The following GNB1 variants were observed in gnomAD, a reference collection of about 807,000 sequenced individuals.
GNB1 encodes the protein guanine nucleotide-binding protein G(I)/G(S)/G(T) subunit beta-1.
A neutral mutation model predicts 42.9 loss-of-function variants in GNB1; 2 were observed. That is an observed-to-expected ratio of 0.05 (90% CI 0.02 to 0.15). GNB1 has a LOEUF of 0.15. Ranked by LOEUF, GNB1 falls within the 10% of genes least tolerant of loss-of-function variation. GNB1 has a pLI of 1.00. For synonymous variants in GNB1, 183 were observed against 174.7 expected, an observed-to-expected ratio of 1.05 and a Z score of -0.38; for missense variants, 193 against 462.2, an observed-to-expected ratio of 0.42 and a Z score of 5.34.
intron 2 of GNB1, among the ~76,000 whole-genome samples, chr1:1,835,756 T>C (rs1259114487): frequency 6.6e-6 from 1 of 152,010 alleles, no homozygotes; most frequent in Non-Finnish European, 1.5e-5. Flanking sequence ...TGGATCATAC[T>C]ACAGGTGTGT....
chr1:1,886,976 G>C (rs752247440), intron 1 of GNB1, among the ~76,000 whole-genome samples: 2 of 152,154 alleles, frequency 1.3e-5, no homozygotes, highest in Non-Finnish European at 2.9e-5. Flanking sequence ...GCCTCCCAAA[G>C]TGCTGGGATT....
At chr1:1,886,431 G>A (rs1570766295) in intron 1 of GNB1, among the ~76,000 whole-genome samples, 2 of 152,178 alleles carry the variant, frequency 1.3e-5, no homozygotes, top group African/African-American at 2.4e-5. Context: ...TGAAATAGGT[G>A]GTGCTCTGTC....
At chr1:1,827,802 G>C (rs1341036864) in intron 2 of GNB1, among the ~76,000 whole-genome samples, 1 of 152,182 alleles carries the variant, frequency 6.6e-6, no homozygotes, top group Non-Finnish European at 1.5e-5. Context: ...ACGCATAATA[G>C]AGAATTGTTC....
At chr1:1,866,317 C>A (rs1391045316) in intron 1 of GNB1, among the ~76,000 whole-genome samples, 1 of 152,220 alleles carries the variant, frequency 6.6e-6, no homozygotes, top group Non-Finnish European at 1.5e-5. Flanking sequence ...GGGATGTCTT[C>A]CAGACTTTGA....
intron 4 of GNB1, among the ~76,000 whole-genome samples, chr1:1,816,644 CTTTT>C (rs59065707): frequency 1.1e-4 from 12 of 108,634 alleles, no homozygotes; most frequent in Non-Finnish European, 1.9e-4. Context: ...TTTTTATTAT[CTTTT>C]TTTTTTTTTT....
chr1:1,815,486 G>C (rs1233659573), intron 5 of GNB1, among the ~76,000 whole-genome samples: 1 of 152,214 alleles, frequency 6.6e-6, no homozygotes. Flanking sequence ...AACTGAAAGA[G>C]ACAGGAGAAG....
chr1:1,839,515 T>C (rs532897283), intron 1 of GNB1: 21 of 152,224 alleles, frequency 1.4e-4, no homozygotes, highest in African/African-American at 4.6e-4. Flanking sequence ...GCACAGAGGT[T>C]AGAATCCTAT....
chr1:1,827,285 C>T (rs1570677603), intron 2 of GNB1, among the ~76,000 whole-genome samples: 2 of 152,196 alleles, frequency 1.3e-5, no homozygotes, highest in Admixed American at 6.5e-5. Context: ...AGGCATGCCC[C>T]GTAACACGAG....
intron 7 of GNB1, among the ~76,000 whole-genome samples, chr1:1,797,839 C>A (rs911794392): frequency 6.6e-6 from 1 of 152,218 alleles, no homozygotes; most frequent in African/African-American, 2.4e-5. Context: ...GGAGACCCCA[C>A]CCAAGGGAGG....
At position 1,890,859 on chromosome 1, in the gene GNB1, G is replaced by A. The variant is rs1055214478; in HGVS notation, c.-135C>T. 8 of 147,328 alleles carry A rather than the reference G, an allele frequency of 5.4e-5. No individual in the cohort carries two copies. The highest frequency in any genetic ancestry group is 9.1e-5 in the Non-Finnish European group (6 of 66,164). 9.1% of individuals were successfully genotyped at this position (147,328 alleles called of 1,614,324 possible). ...CGCGGCCTGACGCGCCCACACCGCC[G>A]CCTCGGCCGCCGCTCGGCAGGTCGT... On this transcript the variant is annotated 5_prime_UTR_variant, in exon 1 of 12. Coordinates refer to ENST00000378609, the MANE Select transcript of GNB1 (RefSeq NM_002074.5).
intron 1 of GNB1, among the ~76,000 whole-genome samples, chr1:1,876,378 T>C (rs1472361717): frequency 6.6e-6 from 1 of 152,008 alleles, no homozygotes. Context: ...CTCGAACTCC[T>C]GGGTTCAAGC....
At chr1:1,850,269 T>C (rs1027975379) in intron 1 of GNB1, among the ~76,000 whole-genome samples, 2 of 152,104 alleles carry the variant, frequency 1.3e-5, no homozygotes, top group Non-Finnish European at 2.9e-5. Flanking sequence ...TAGCTGGGAT[T>C]CCAGGCATGT....
chr1:1,882,778 G>A (rs1649925385), intron 1 of GNB1, among the ~76,000 whole-genome samples: 1 of 151,910 alleles, frequency 6.6e-6, no homozygotes, highest in South Asian at 2.1e-4. Flanking sequence ...AAAATCAGCT[G>A]GGCATGGTGG....
chr1:1,865,029 G>A (rs1375990148), intron 1 of GNB1, among the ~76,000 whole-genome samples: 11 of 152,244 alleles, frequency 7.2e-5, no homozygotes, highest in Admixed American at 6.5e-4. Flanking sequence ...TTGGGAGGCT[G>A]AGGCGGGCAG....
At chr1:1,857,179 A>G (rs1648351598) in intron 1 of GNB1, among the ~76,000 whole-genome samples, 1 of 152,160 alleles carries the variant, frequency 6.6e-6, no homozygotes, top group African/African-American at 2.4e-5. Flanking sequence ...TCAAAAGTCT[A>G]CCCAGTCTAG....
chr1:1,881,833 G>A (rs916585189), intron 1 of GNB1, among the ~76,000 whole-genome samples: 2 of 152,132 alleles, frequency 1.3e-5, no homozygotes, highest in African/African-American at 4.8e-5. Flanking sequence ...CTGAGCACCT[G>A]GCACACAGTA....
intron 3 of GNB1, among the ~76,000 whole-genome samples, chr1:1,822,699 G>T (rs977352332): frequency 1.3e-5 from 2 of 152,278 alleles, no homozygotes; most frequent in East Asian, 3.9e-4. Context: ...AGCCCCCTGT[G>T]CAAGAAGGCC....
intron 1 of GNB1, among the ~76,000 whole-genome samples, chr1:1,845,185 C>T (rs141360592): frequency 7.8e-4 from 119 of 152,248 alleles, no homozygotes; most frequent in Non-Finnish European, 1.1e-3. Context: ...AAAGACATCA[C>T]GTTAATTTAG....
intron 2 of GNB1, among the ~76,000 whole-genome samples, chr1:1,832,525 G>A (rs923128169): frequency 1.3e-5 from 2 of 152,218 alleles, no homozygotes; most frequent in African/African-American, 4.8e-5. Flanking sequence ...AGCAGGTGAA[G>A]GGATCTGCCC....
Sources: allele counts gnomAD v4.1 joint callset (sites outside exome capture counted in the v4.1 genomes callset), GRCh38; gene constraint gnomAD v4.1.1; transcripts MANE v1.5; gene names NCBI Gene and HGNC (gene_info 2026-07-23, HGNC 2026-07-21).